NT5M: variants seen among roughly 807,000 people sequenced by gnomAD.
NT5M encodes the protein 5',3'-nucleotidase, mitochondrial, also known as 5'(3')-deoxyribonucleotidase, mitochondrial.
Under a neutral mutation model 22.2 loss-of-function variants are expected in NT5M, and 22 were observed. The observed-to-expected ratio is 0.99, with a 90% CI of 0.71 to 1.41. The LOEUF (loss-of-function observed/expected upper bound fraction) is 1.41, where lower values mean the gene tolerates loss of function less well. Ranked by LOEUF, NT5M falls within the 40% of genes most tolerant of loss-of-function variation. The pLI, the probability that NT5M is intolerant of heterozygous loss-of-function variation, is 0.00. For synonymous variants in NT5M, 167 were observed against 133.0 expected, an observed-to-expected ratio of 1.26 and a Z score of -1.76; for missense variants, 322 against 314.8, an observed-to-expected ratio of 1.02 and a Z score of -0.17.
intron 3 of NT5M, among the ~76,000 whole-genome samples, chr17:17,324,025 C>G (rs1316490747): frequency 6.6e-6 from 1 of 152,080 alleles, no homozygotes; most frequent in Non-Finnish European, 1.5e-5. Context: ...GTGCCTACCA[C>G]CACATCCAGG....
intron 1 of NT5M, among the ~76,000 whole-genome samples, chr17:17,305,294 C>A (rs2145307204): frequency 6.6e-6 from 1 of 151,592 alleles, no homozygotes; most frequent in African/African-American, 2.4e-5. Flanking sequence ...TGGGAGTAAT[C>A]TGCTGGCTTC....
At chr17:17,317,341 T>C (rs1333125493) in intron 2 of NT5M, among the ~76,000 whole-genome samples, 1 of 152,096 alleles carries the variant, frequency 6.6e-6, no homozygotes, top group Non-Finnish European at 1.5e-5. Context: ...GAGCCACTGC[T>C]CCCGGCCAAT....
Position 17,347,237 on chromosome 17 carries a change from A to T in NT5M, c.*290A>T, listed in dbSNP as rs1469722677. The stretch of plus-strand genomic sequence containing the variant: ...AGCCCAGGGGCTCAGGACAGGGAGG[A>T]GTTGAGGCCACTGTTCAGGGGGCTG... On this transcript the variant is annotated 3_prime_UTR_variant, in exon 5 of 5. Transcript: ENST00000389022. 2.3e-6 allele frequency: 1 copy of T among 429,650 alleles called. No homozygotes were observed. The highest frequency in any genetic ancestry group is 4.2e-6 in the Non-Finnish European group (1 of 239,968). The allele number at this position is 429,650 out of a possible 1,614,324, so 26.6% of individuals were successfully genotyped here. A position where few individuals can be genotyped will look rare whatever the true frequency, so the allele number is the denominator to read the frequency against.
intron 3 of NT5M, among the ~76,000 whole-genome samples, chr17:17,344,414 C>T (rs1484545136): frequency 6.6e-6 from 1 of 152,188 alleles, no homozygotes; most frequent in East Asian, 1.9e-4. Context: ...GCACTGCCCA[C>T]ATGCATGTGG....
chr17:17,303,558 G>A lies in NT5M; in HGVS notation c.8G>A (p.Arg3Gln). Residue 3 changes from arginine to glutamine, a missense_variant, in exon 1 of 5, where the codon CGG (arginine) becomes CAG (glutamine). Coordinates refer to ENST00000389022, the MANE Select transcript of NT5M (RefSeq NM_020201.4). The stretch of plus-strand genomic sequence containing the variant: ...GGGCCAGCGCGCTGGGCCATGATCC[G>A]GCTGGGCGGCTGGTGTGCGCGGCGG... MI[R>Q]LGGWCARRLC... The A allele has an allele frequency of 9.2e-7, 1 of 1,089,348 alleles. No individual in the cohort carries two copies. The highest frequency in any genetic ancestry group is 1.1e-6 in the Non-Finnish European group (1 of 896,376). The allele number at this position is 1,089,348 out of a possible 1,614,324, so 67.5% of individuals were successfully genotyped here.
intron 2 of NT5M, among the ~76,000 whole-genome samples, chr17:17,314,103 G>A (rs1183698195): frequency 2.7e-5 from 4 of 150,820 alleles, no homozygotes; most frequent in Non-Finnish European, 5.9e-5. Context: ...GTGCGATCTC[G>A]GCTCACTACA....
intron 3 of NT5M, among the ~76,000 whole-genome samples, chr17:17,329,009 G>A (rs1031384016): frequency 8.6e-5 from 13 of 152,026 alleles, no homozygotes; most frequent in South Asian, 2.1e-4. Context: ...ACGGAGTCTC[G>A]CTCTGTCTCC....
At chr17:17,321,552 G>T (rs1350031801) in intron 2 of NT5M, among the ~76,000 whole-genome samples, 1 of 150,730 alleles carries the variant, frequency 6.6e-6, no homozygotes, top group Non-Finnish European at 1.5e-5. Context: ...TCCTGGCTGT[G>T]CCCAGAGCAC....
intron 3 of NT5M, among the ~76,000 whole-genome samples, chr17:17,336,783 T>A (rs1347039416): frequency 6.6e-6 from 1 of 152,180 alleles, no homozygotes; most frequent in Non-Finnish European, 1.5e-5. Flanking sequence ...ACTCCTGACC[T>A]CTTGATCCAC....
At position 17,324,819 on chromosome 17, in the gene NT5M, C is replaced by T. The variant is rs1346187426; in HGVS notation, c.429+1574C>T. On this transcript the variant is annotated intron_variant, in intron 3 of 4. Transcript: ENST00000389022. ...TCTTGAGTAGCTGGGAACACAGCTG[C>T]GCACCACGCACCACCATGGCCGGCC... 3.9e-5 allele frequency among the ~76,000 whole-genome samples: 6 copies of T among 152,294 alleles called. 1 individual carries two copies. The East Asian group carries it at 9.7e-4, about 25-fold the overall frequency.
At chr17:17,338,683 T>G (rs1222176355) in intron 3 of NT5M, among the ~76,000 whole-genome samples, 1 of 147,578 alleles carries the variant, frequency 6.8e-6, no homozygotes, top group Non-Finnish European at 1.5e-5. Flanking sequence ...AAGGGTTTTT[T>G]TTTTTTTTTT....
intron 1 of NT5M, chr17:17,304,448 C>T (rs1046870957): frequency 1.0e-6 from 1 of 984,948 alleles, no homozygotes; most frequent in Non-Finnish European, 1.2e-6. Flanking sequence ...GGGGAAAGAT[C>T]CAAGGAGGGA....
chr17:17,328,225 C>A (rs570367228), intron 3 of NT5M, among the ~76,000 whole-genome samples: 12 of 152,054 alleles, frequency 7.9e-5, no homozygotes, highest in Non-Finnish European at 1.6e-4. Context: ...AAGTGCACAG[C>A]AGATTTGAGG....
chr17:17,337,683 C>T (rs182987228), intron 3 of NT5M, among the ~76,000 whole-genome samples: 3 of 152,156 alleles, frequency 2.0e-5, no homozygotes, highest in Non-Finnish European at 2.9e-5. Flanking sequence ...AGCCATCACA[C>T]GCAGCCACCA....
chr17:17,343,243 ATG>A (rs149854959), intron 3 of NT5M, among the ~76,000 whole-genome samples: 1 of 151,752 alleles, frequency 6.6e-6, no homozygotes, highest in Non-Finnish European at 1.5e-5. Context: ...CCCTGTGCAT[ATG>A]TGTGTGTGTG....
chr17:17,321,231 G>A (rs1455425778), intron 2 of NT5M, among the ~76,000 whole-genome samples: 1 of 151,794 alleles, frequency 6.6e-6, no homozygotes, highest in Non-Finnish European at 1.5e-5. Context: ...TTCGGGAGGT[G>A]CCAGCATGCG....
chr17:17,315,972 G>T (rs1395948621), intron 2 of NT5M, among the ~76,000 whole-genome samples: 1 of 151,390 alleles, frequency 6.6e-6, no homozygotes, highest in African/African-American at 2.4e-5. Flanking sequence ...AGCCAGAATG[G>T]TCTCGATCTC....
intron 3 of NT5M, among the ~76,000 whole-genome samples, chr17:17,333,292 T>G (rs1288120824): frequency 6.6e-6 from 1 of 152,188 alleles, no homozygotes; most frequent in Non-Finnish European, 1.5e-5. Flanking sequence ...GATTTGTATT[T>G]TAATTTTCTT....
intron 2 of NT5M, among the ~76,000 whole-genome samples, chr17:17,318,480 C>CAAAAA (rs71355545): frequency 7.1e-5 from 3 of 42,108 alleles, no homozygotes; most frequent in Admixed American, 3.4e-4. Context: ...GACTCTGTCT[C>CAAAAA]AAAAAAAAAA....
Sources: allele counts gnomAD v4.1 joint callset (sites outside exome capture counted in the v4.1 genomes callset), GRCh38; gene constraint gnomAD v4.1.1; transcripts MANE v1.5; gene names NCBI Gene and HGNC (gene_info 2026-07-23, HGNC 2026-07-21).